SNURF: variants seen among roughly 807,000 people sequenced by gnomAD.
SNURF encodes the protein SNRPN upstream open reading frame.
A neutral mutation model predicts 11.6 loss-of-function variants in SNURF; 6 were observed. The observed-to-expected ratio is 0.52, with a 90% confidence interval of 0.28 to 1.02. The LOEUF is 1.02. SNURF is among the 50% of genes least tolerant of loss of function. The pLI is 0.09. For synonymous variants in SNURF, 29 were observed against 31.6 expected (o/e 0.92, Z 0.27); for missense variants, 84 against 88.4 (o/e 0.95, Z 0.20).
intron 1 of SNURF, among the ~76,000 whole-genome samples, chr15:24,956,452 C>T (rs543860443): frequency 1.3e-5 from 2 of 152,206 alleles, no homozygotes; most frequent in Non-Finnish European, 2.9e-5. Context: ...GCCGTACCCT[C>T]TTTAGGGTGC....
chr15:24,967,318 A>G (rs1459244881), intron 2 of SNURF: 1 of 153,354 alleles, frequency 6.5e-6, no homozygotes, highest in Non-Finnish European at 1.4e-5. Context: ...AATTTCTCAT[A>G]AGATAGTGTC....
chr15:24,977,916 G>A (rs1388523848), downstream of SNURF: 1 of 1,559,012 alleles, frequency 6.4e-7, no homozygotes, highest in Admixed American at 2.0e-5. Flanking sequence ...CCCACCTCCA[G>A]GTAAGGGATT....
chr15:24,955,824 A>G (rs1403377083), intron 1 of SNURF, among the ~76,000 whole-genome samples: 4 of 149,434 alleles, frequency 2.7e-5, no homozygotes, highest in South Asian at 2.1e-4. Flanking sequence ...TGGCGGCGGT[A>G]GGCATGGCGG....
chr15:24,968,003 A>G (rs767497295), exon 3 of SNURF: 18 of 1,613,984 alleles, frequency 1.1e-5, no homozygotes, highest in Admixed American at 6.7e-5. Context: ...GAACTGAGGC[A>G]GGCATTCTTA....
chr15:24,958,270 C>G (rs1022892809), intron 1 of SNURF, among the ~76,000 whole-genome samples: 2 of 151,958 alleles, frequency 1.3e-5, no homozygotes, highest in Non-Finnish European at 2.9e-5. Flanking sequence ...TATCAGCGCC[C>G]TCTGTTTAGC....
chr15:24,978,039 T>G, downstream of SNURF: 1 of 1,222,626 alleles, frequency 8.2e-7, no homozygotes, highest in African/African-American at 1.5e-5. Flanking sequence ...AGATACTGGT[T>G]TTTAATGAAA....
intron 4 of SNURF, chr15:24,975,573 G>A: frequency 7.3e-7 from 1 of 1,373,376 alleles, no homozygotes; most frequent in East Asian, 2.3e-5. Context: ...GGCCAGAGCT[G>A]GAGTAAGGGA....
exon 3 of SNURF, chr15:24,968,170 A>AT (rs138351009): frequency 1.2e-5 from 10 of 811,926 alleles, no homozygotes; most frequent in South Asian, 4.4e-5. Flanking sequence ...TGACACATTA[A>AT]TTTTTTTCCT....
chr15:24,955,606 G>T (rs866784390), intron 1 of SNURF, among the ~76,000 whole-genome samples: 1 of 149,602 alleles, frequency 6.7e-6, no homozygotes, highest in African/African-American at 2.5e-5. Flanking sequence ...GGGCGACTGG[G>T]GGGGGAATTC....
chr15:24,971,796 A>G (rs193215820), downstream of SNURF, among the ~76,000 whole-genome samples: 8 of 152,318 alleles, frequency 5.3e-5, no homozygotes, highest in East Asian at 1.4e-3. Flanking sequence ...ATTTAAGTGC[A>G]TGAAGCAATG....
At chr15:24,961,707 A>G (rs2074850848) in intron 1 of SNURF, among the ~76,000 whole-genome samples, 1 of 152,092 alleles carries the variant, frequency 6.6e-6, no homozygotes. Flanking sequence ...AAGTATGTCT[A>G]CTGTATCCTA....
At chr15:24,967,603 C>G (rs2075828801) in intron 2 of SNURF, among the ~76,000 whole-genome samples, 1 of 150,940 alleles carries the variant, frequency 6.6e-6, no homozygotes, top group Non-Finnish European at 1.5e-5. Flanking sequence ...GATCGTGCCA[C>G]TGCACTCCAG....
Position 24,956,355 on chromosome 15 carries a change from G to GGGGA in SNURF, c.14+1296_14+1297insAGGG, listed in dbSNP as rs563996697. On this transcript the variant is annotated intron_variant, in intron 1 of 2. Coordinates refer to ENST00000577949, the Ensembl canonical transcript of SNURF. ...CTTAGATCTGCGCAAGCGCTTCAGC[G>GGGGA]GGGGGGTGGCCGCTTCCTCCCTGTA... 1.2e-3 allele frequency among the ~76,000 whole-genome samples: 82 copies of GGGGA among 66,050 alleles called. 3 individuals are homozygous for GGGGA. Among genetic ancestry groups the GGGGA allele is most frequent in the Non-Finnish European group, 5.7e-4 (17 of 29,704 alleles). The allele number at this position is 66,050 out of a possible 152,430, so 43.3% of individuals were successfully genotyped here.
downstream of SNURF, among the ~76,000 whole-genome samples, chr15:24,973,169 G>A (rs377489338): frequency 6.6e-6 from 1 of 152,116 alleles, no homozygotes; most frequent in Non-Finnish European, 1.5e-5. Flanking sequence ...GATTATGGGC[G>A]TGAGCCACCA....
downstream of SNURF, among the ~76,000 whole-genome samples, chr15:24,970,689 T>C (rs1190864412): frequency 6.6e-6 from 1 of 152,178 alleles, no homozygotes; most frequent in African/African-American, 2.4e-5. Context: ...GGGTGTAATA[T>C]TAGTATGACT....
At chr15:24,977,828 G>A (rs1596351505) in exon 7 of SNURF, 3 of 1,612,974 alleles carry the variant, frequency 1.9e-6, no homozygotes, top group Non-Finnish European at 2.5e-6. Context: ...CTGTTGCTGC[G>A]ACTGCCAGTA....
At chr15:24,957,247 C>A (rs1023894321) in intron 1 of SNURF, among the ~76,000 whole-genome samples, 91 of 152,202 alleles carry the variant, frequency 6.0e-4, no homozygotes, top group African/African-American at 2.1e-3. Context: ...ATGGCTCTTC[C>A]CGACTAAGGT....
chr15:24,962,975 G>A (rs1197730816), intron 2 of SNURF, among the ~76,000 whole-genome samples: 4 of 147,584 alleles, frequency 2.7e-5, no homozygotes, highest in East Asian at 2.0e-4. Flanking sequence ...TGCATAAAAA[G>A]TAAGTCTCAT....
At chr15:24,970,579 CA>C (rs949989236), downstream of SNURF, among the ~76,000 whole-genome samples, 6 of 151,008 alleles carry the variant, frequency 4.0e-5, no homozygotes, top group East Asian at 3.9e-4. Flanking sequence ...ACTTCTATCT[CA>C]AAAAAAAATT....
Sources: gnomAD v4.1 joint callset for allele counts (sites outside exome capture counted in the v4.1 genomes callset) on GRCh38, gnomAD v4.1.1 for gene constraint, MANE v1.5 for transcripts, NCBI Gene and HGNC (gene_info 2026-07-23, HGNC 2026-07-21) for gene names.